Variants in IQSEC1 observed in about 807,000 individuals in gnomAD.
IQSEC1 encodes IQ motif and Sec7 domain ArfGEF 1.
In IQSEC1, 31 loss-of-function variants were observed where a neutral mutation model predicts 91.0. That is an observed-to-expected ratio of 0.34 (90% CI 0.26 to 0.46). The LOEUF is 0.46. Ranked by LOEUF, IQSEC1 falls within the 20% of genes least tolerant of loss-of-function variation. The pLI is 1.00. For synonymous variants in IQSEC1, 699 were observed against 662.6 expected, an observed-to-expected ratio of 1.05 and a Z score of -0.84; for missense variants, 1,388 against 1,575.6, an observed-to-expected ratio of 0.88 and a Z score of 2.02.
At position 13,214,682 on chromosome 3, in the gene IQSEC1, C is replaced by A. The variant is rs549460209; in HGVS notation, c.273-50549G>T. 6.6e-6 allele frequency among the ~76,000 whole-genome samples: 1 copy of A among 152,248 alleles called. No individual in the cohort carries two copies. The highest frequency in any genetic ancestry group is 1.5e-5 in the Non-Finnish European group (1 of 68,038). On this transcript the variant is annotated intron_variant, in intron 1 of 15. Coordinates refer to the IQSEC1 transcript ENST00000648114. This position sits in a 1 kb window ranked among gnomAD's most constrained non-coding sequence, Gnocchi z 4.5. Reference sequence around the variant, plus strand: ...GTGCCATCAAGGGGCCACTGTGGCACACGAGCTGGTGTCCGGTGGAGCACG... The same window carrying A: ...GTGCCATCAAGGGGCCACTGTGGCAAACGAGCTGGTGTCCGGTGGAGCACG...
chr3:13,250,240 G>A (rs913394650), intron 1 of IQSEC1, among the ~76,000 whole-genome samples: 5 of 152,110 alleles, frequency 3.3e-5, no homozygotes, highest in South Asian at 2.1e-4. Flanking sequence ...CTCCAGGTGC[G>A]GTGGGAGCCA....
At chr3:12,945,060 T>C (rs1250262521) in intron 1 of IQSEC1, among the ~76,000 whole-genome samples, 1 of 152,154 alleles carries the variant, frequency 6.6e-6, no homozygotes, top group African/African-American at 2.4e-5. Flanking sequence ...AGAGGGGCCT[T>C]TGTTCCCAGT....
At chr3:13,091,328 T>G (rs1001491959) in intron 2 of IQSEC1, among the ~76,000 whole-genome samples, 1 of 152,274 alleles carries the variant, frequency 6.6e-6, no homozygotes, top group Non-Finnish European at 1.5e-5. Context: ...TCTGTTTTAT[T>G]CACTGAAGCA....
At chr3:13,229,206 CT>C (rs1285766158) in intron 1 of IQSEC1, among the ~76,000 whole-genome samples, 27 of 152,152 alleles carry the variant, frequency 1.8e-4, no homozygotes, top group African/African-American at 6.5e-4. Context: ...GGTAAGTTAC[CT>C]GCAAATTTTA....
chr3:12,913,246 C>G (rs1232198866), intron 9 of IQSEC1, among the ~76,000 whole-genome samples, 182 bp downstream of exon 9: 2 of 152,250 alleles, frequency 1.3e-5, no homozygotes, highest in Admixed American at 1.3e-4. Context: ...AGATCTCCCT[C>G]TGGACCTGTG....
intron 1 of IQSEC1, chr3:13,042,269 C>A (rs1162165653): frequency 3.9e-5 from 6 of 152,284 alleles, no homozygotes; most frequent in African/African-American, 1.2e-4. Context: ...CAAGGCTCTC[C>A]CCAGAGGGTC....
chr3:13,232,265 CAA>C (rs1435339640), intron 1 of IQSEC1, among the ~76,000 whole-genome samples: 2 of 152,330 alleles, frequency 1.3e-5, no homozygotes, highest in South Asian at 4.1e-4. Flanking sequence ...CAGGAGGAAA[CAA>C]GAACATGGGC....
At chr3:12,921,318 G>A (rs1289637980) in intron 5 of IQSEC1, among the ~76,000 whole-genome samples, 5 of 152,114 alleles carry the variant, frequency 3.3e-5, no homozygotes, top group African/African-American at 1.2e-4. Flanking sequence ...CTTGCCTCCC[G>A]CCAGGGCCCT....
chr3:13,234,020 C>A (rs554819403), intron 1 of IQSEC1, among the ~76,000 whole-genome samples: 46 of 152,242 alleles, frequency 3.0e-4, no homozygotes, highest in Admixed American at 2.2e-3. Flanking sequence ...GCGAAACTGA[C>A]GCGCTCTGCA....
intron 1 of IQSEC1, among the ~76,000 whole-genome samples, chr3:13,192,209 G>T (rs1249865658): frequency 1.3e-5 from 2 of 151,994 alleles, no homozygotes; most frequent in Admixed American, 1.3e-4. Flanking sequence ...ATGGTGGCGG[G>T]CGCCTGTAGT....
At position 13,214,464 on chromosome 3, in the gene IQSEC1, A is replaced by G. The variant is rs1274707462; in HGVS notation, c.273-50331T>C. Among the ~76,000 whole-genome samples, 1 of 152,264 alleles carries G rather than the reference A, an allele frequency of 6.6e-6. No homozygotes were observed. The highest frequency in any genetic ancestry group is 1.5e-5 in the Non-Finnish European group (1 of 68,050). On this transcript the variant is annotated intron_variant, in intron 1 of 15. Transcript: ENST00000648114. The surrounding 1 kb of genome is among the most constrained non-coding windows in gnomAD (Gnocchi z 4.5). ...TGGCCCCCTGCCTTGAATCTGGGACATGTCCCTCCTCGTAGCCCTCCTTCC... is the reference window on the plus strand; with the variant it reads ...TGGCCCCCTGCCTTGAATCTGGGACGTGTCCCTCCTCGTAGCCCTCCTTCC...
At position 12,975,085 on chromosome 3, in the gene IQSEC1, G is replaced by C. The variant is rs556465714; in HGVS notation, c.24-33220C>G. ...GGGGACAGTGCCACCTTCCTTTCAG[G>C]CGCAGTGTGAGGCTTGGCAATGACA... is the stretch of plus-strand genomic sequence containing the variant. On this transcript the variant is annotated intron_variant, in intron 1 of 13. Transcript: ENST00000613206. Among the ~76,000 whole-genome samples, 8 of 152,354 alleles carry C rather than the reference G, an allele frequency of 5.3e-5. No individual in the cohort carries two copies. In the East Asian group the frequency reaches 9.6e-4, roughly 18 times the overall value.
At chr3:13,048,396 C>G (rs34244088) in intron 1 of IQSEC1, among the ~76,000 whole-genome samples, 1 of 152,232 alleles carries the variant, frequency 6.6e-6, no homozygotes, top group Admixed American at 6.5e-5. Context: ...GAACTCATCC[C>G]TAGAGACCAT....
At position 13,008,437 on chromosome 3, in the gene IQSEC1, C is replaced by T. The variant is rs375507832; in HGVS notation, c.23+64555G>A. On this transcript the variant is annotated intron_variant, in intron 1 of 13. Coordinates refer to ENST00000613206, the MANE Select transcript of IQSEC1 (RefSeq NM_001134382.3). This position sits in a 1 kb window ranked among gnomAD's most constrained non-coding sequence, Gnocchi z 4.1. ...CCTCTGTCCTTTGAGCCTGAATCCCCAGGGGGCTGTTCATACTCCTCTTCC... is the reference window on the plus strand; with the variant it reads ...CCTCTGTCCTTTGAGCCTGAATCCCTAGGGGGCTGTTCATACTCCTCTTCC... Among the ~76,000 whole-genome samples, 17 of 152,270 alleles carry T rather than the reference C, an allele frequency of 1.1e-4. No homozygotes were observed. Among genetic ancestry groups the T allele is most frequent in the African/African-American group, 4.1e-4 (17 of 41,534 alleles).
intron 2 of IQSEC1, among the ~76,000 whole-genome samples, chr3:13,127,242 G>A (rs181849184): frequency 1.1e-3 from 163 of 151,964 alleles, no homozygotes; most frequent in East Asian, 5.4e-3. Flanking sequence ...GTGAAACCCC[G>A]CCTCTACTAA....
chr3:13,203,212 C>T (rs1253237986), intron 1 of IQSEC1, among the ~76,000 whole-genome samples: 2 of 151,856 alleles, frequency 1.3e-5, no homozygotes, highest in Non-Finnish European at 2.9e-5. Flanking sequence ...CTCACACATG[C>T]ACACACACAC....
In IQSEC1 at chr3:13,211,270, G is replaced by A. The variant is rs574110315; in HGVS notation, c.273-47137C>T. ...CGGGGGTCTCACCACCTCCTCGACA[G>A]CAATGAACATGAAAGGCCTTCTTGG... On this transcript the variant is annotated intron_variant, in intron 1 of 15. Transcript: ENST00000648114. The surrounding 1 kb of genome is among the most constrained non-coding windows in gnomAD (Gnocchi z 5.3). Among the ~76,000 whole-genome samples, 191 of 152,326 alleles carry A rather than the reference G, an allele frequency of 1.3e-3. 1 individual carries two copies. The highest frequency in any genetic ancestry group is 4.3e-3 in the African/African-American group (178 of 41,574).
At chr3:13,128,732 C>CCGGGCGTGGTGG (rs1420818520) in intron 2 of IQSEC1, among the ~76,000 whole-genome samples, 1 of 151,910 alleles carries the variant, frequency 6.6e-6, no homozygotes, top group African/African-American at 2.4e-5. Context: ...CAAAAAAGAG[C>CCGGGCGTGGTGG]CGGGCGTGGT....
chr3:13,082,700 C>T (rs1705664970), intron 2 of IQSEC1, among the ~76,000 whole-genome samples: 1 of 152,234 alleles, frequency 6.6e-6, no homozygotes, highest in Non-Finnish European at 1.5e-5. Flanking sequence ...ATCTATTTAA[C>T]CTGAAACCTG....
Sources: gnomAD v4.1 joint callset for allele counts (sites outside exome capture counted in the v4.1 genomes callset) on GRCh38, gnomAD v4.1.1 for gene constraint, Gnocchi (gnomAD v3.1) non-coding constraint, MANE v1.5 for transcripts, NCBI Gene and HGNC (gene_info 2026-07-23, HGNC 2026-07-21) for gene names.